Variants in WDPCP observed in about 807,000 individuals in gnomAD.
WDPCP encodes the protein WD repeat containing planar cell polarity effector, also known as WD repeat-containing and planar cell polarity effector protein fritz homolog.
In WDPCP, 71 loss-of-function variants were observed where a neutral mutation model predicts 93.1. The ratio of observed to expected loss-of-function variants is 0.76; its 90% CI spans 0.63 to 0.93. The LOEUF is 0.93. WDPCP is among the 40% of genes least tolerant of loss of function. The pLI, the probability that WDPCP is intolerant of heterozygous loss-of-function variation, is 0.00. For missense variants in WDPCP, 844 were observed against 887.4 expected (o/e 0.95, Z 0.62); for synonymous variants, 315 against 315.0 (o/e 1.00, Z 0.00).
At chr2:63,391,868 G>A (rs1200795626) in intron 10 of WDPCP, among the ~76,000 whole-genome samples, 1 of 152,124 alleles carries the variant, frequency 6.6e-6, no homozygotes, top group African/African-American at 2.4e-5. Flanking sequence ...AGAAACCACT[G>A]CTCAAGGAAA....
At chr2:63,446,899 T>C (rs1357154296) in intron 6 of WDPCP, among the ~76,000 whole-genome samples, 1 of 152,228 alleles carries the variant, frequency 6.6e-6, no homozygotes, top group African/African-American at 2.4e-5. Context: ...CGTGAGGTAA[T>C]GCCCCAAGGA....
At chr2:63,310,413 C>T (rs1230649543) in intron 13 of WDPCP, among the ~76,000 whole-genome samples, 2 of 152,020 alleles carry the variant, frequency 1.3e-5, no homozygotes, top group Admixed American at 1.3e-4. Flanking sequence ...TGTCTCGTTT[C>T]AGTTTATTTT....
At position 63,188,356 on chromosome 2, in the gene WDPCP, A is replaced by AT. The variant is rs1032890155; in HGVS notation, c.1916-13525dup. Among the ~76,000 whole-genome samples, 18 of 150,824 alleles carry AT rather than the reference A, an allele frequency of 1.2e-4. 1 individual carries two copies. Among genetic ancestry groups the AT allele is most frequent in the African/African-American group, 3.9e-4 (16 of 41,034 alleles). Reference sequence around the variant, plus strand: ...GCTCAGGTTCTGTTAATTTATCTTCATTTTTTTTCTTTTTTCTCCTCAGTC... The same window carrying AT: ...GCTCAGGTTCTGTTAATTTATCTTCATTTTTTTTTCTTTTTTCTCCTCAGTC... On this transcript the variant is annotated intron_variant, in intron 14 of 17. Coordinates refer to ENST00000272321, the MANE Select transcript of WDPCP (RefSeq NM_015910.7).
At chr2:63,535,059 C>T (rs1002981762) in intron 1 of WDPCP, among the ~76,000 whole-genome samples, 24 of 152,236 alleles carry the variant, frequency 1.6e-4, no homozygotes, top group Non-Finnish European at 2.6e-4. Flanking sequence ...CATTCCTATA[C>T]ACCAATAATA....
At chr2:63,280,032 A>G (rs1683403378) in intron 13 of WDPCP, among the ~76,000 whole-genome samples, 1 of 152,218 alleles carries the variant, frequency 6.6e-6, no homozygotes, top group Non-Finnish European at 1.5e-5. Context: ...TAGAATCAAT[A>G]TAGTGGAAAT....
At position 63,534,227 on chromosome 2, in the gene WDPCP, C is replaced by T. The variant is rs1704082266; in HGVS notation, c.76-41287G>A. 5.9e-5 allele frequency among the ~76,000 whole-genome samples: 9 copies of T among 152,130 alleles called. No individual in the cohort carries two copies. In the South Asian group the frequency reaches 1.0e-3, roughly 17 times the overall value. ...AATTGAGGCAATAATTAATAGCTTA[C>T]CAACTAAAAAACTCCAGGACCAGGT... is the stretch of plus-strand genomic sequence containing the variant. On this transcript the variant is annotated intron_variant, in intron 1 of 17. Transcript: ENST00000272321.
chr2:63,422,962 A>G (rs141528204), intron 9 of WDPCP, among the ~76,000 whole-genome samples: 68 of 152,338 alleles, frequency 4.5e-4, no homozygotes, highest in African/African-American at 1.6e-3. Flanking sequence ...ATATTAAACT[A>G]TGGTTTCTGG....
At chr2:63,482,604 C>T (rs1194153251) in intron 6 of WDPCP, among the ~76,000 whole-genome samples, 1 of 151,830 alleles carries the variant, frequency 6.6e-6, no homozygotes, top group Non-Finnish European at 1.5e-5. Flanking sequence ...GAAATAGAAC[C>T]TACATAGATT....
chr2:63,642,913 G>C (rs1709997806), intron 3 of WDPCP: 1 of 152,142 alleles, frequency 6.6e-6, no homozygotes, highest in African/African-American at 2.4e-5. Context: ...TGAGAGAAAA[G>C]GCTTTCAGTT....
intron 1 of WDPCP, among the ~76,000 whole-genome samples, chr2:63,519,461 C>T (rs1402103764): frequency 6.6e-6 from 1 of 152,196 alleles, no homozygotes; most frequent in Non-Finnish European, 1.5e-5. Flanking sequence ...GGCATGGATC[C>T]CACTGACACT....
chr2:63,561,777 A>G (rs1706648627), intron 1 of WDPCP, among the ~76,000 whole-genome samples: 1 of 152,234 alleles, frequency 6.6e-6, no homozygotes, highest in Admixed American at 6.5e-5. Context: ...CAAAAGCTAG[A>G]CATCACTAAT....
Position 63,313,302 on chromosome 2 carries a change from C to T in WDPCP, c.1758G>A (p.Arg586=), listed in dbSNP as rs1317461178. The change falls in exon 13 of 18, where the codon AGG becomes AGA. Residue 586 remains arginine (R), a synonymous_variant. Transcript: ENST00000272321. The stretch of plus-strand genomic sequence containing the variant: ...CAGCTAGGAGAAATGCCTTTTCAAA[C>T]CTCTGGTACCTACAAGGCAGAAAAA... ...RFFHHLLRYQ[R]FEKAFLLAVD... The T allele has an allele frequency of 3.1e-6, 5 of 1,613,432 alleles. No homozygotes were observed. Among genetic ancestry groups the T allele is most frequent in the Middle Eastern group, 1.7e-4 (1 of 6,058 alleles).
chr2:63,669,813 C>T (rs537705938), intron 2 of WDPCP, among the ~76,000 whole-genome samples: 10 of 152,294 alleles, frequency 6.6e-5, no homozygotes, highest in South Asian at 4.1e-4. Flanking sequence ...GCACCATCCA[C>T]GTCATGGTCT....
At chr2:63,142,149 T>A (rs1452616063) in intron 17 of WDPCP, among the ~76,000 whole-genome samples, 2 of 152,238 alleles carry the variant, frequency 1.3e-5, no homozygotes, top group Non-Finnish European at 2.9e-5. Context: ...TCTGCTCTCA[T>A]CTTGGCAGTT....
chr2:63,355,091 G>C (rs1689915860), intron 12 of WDPCP, among the ~76,000 whole-genome samples: 1 of 152,054 alleles, frequency 6.6e-6, no homozygotes, highest in African/African-American at 2.4e-5. Flanking sequence ...GAAATACAGA[G>C]AACTCCTCCA....
chr2:63,679,509 C>G (rs1219423138), intron 2 of WDPCP, among the ~76,000 whole-genome samples: 1 of 152,118 alleles, frequency 6.6e-6, no homozygotes, highest in African/African-American at 2.4e-5. Flanking sequence ...ATGGGAGAAT[C>G]TTCTCATTAT....
chr2:63,755,400 G>A (rs528541482), intron 2 of WDPCP, among the ~76,000 whole-genome samples: 4 of 152,290 alleles, frequency 2.6e-5, no homozygotes, highest in Admixed American at 1.3e-4. Flanking sequence ...GCAAGGACAT[G>A]TCGTATAGTT....
intron 2 of WDPCP, among the ~76,000 whole-genome samples, chr2:63,755,049 G>A (rs929297250): frequency 2.0e-5 from 3 of 152,144 alleles, no homozygotes; most frequent in African/African-American, 7.2e-5. Context: ...TGACACTCAG[G>A]CCTCTTTATA....
chr2:63,493,267 A>AT lies in WDPCP; in HGVS notation c.76-328dup, dbSNP rs894418050. On this transcript the variant is annotated intron_variant, in intron 1 of 17. Coordinates refer to ENST00000272321, the MANE Select transcript of WDPCP (RefSeq NM_015910.7). Reference sequence around the variant, plus strand: ...ATTTAGAATTATTTAGTATTTAAGCATTTTTTTAAGTTTTATTTTAAGGAA... The same window carrying AT: ...ATTTAGAATTATTTAGTATTTAAGCATTTTTTTTAAGTTTTATTTTAAGGAA... Among the ~76,000 whole-genome samples, 59 of 152,224 alleles carry AT rather than the reference A, an allele frequency of 3.9e-4. No homozygotes were observed. The South Asian group carries it at 4.4e-3, about 11-fold the overall frequency.
Sources: gnomAD v4.1 joint callset for allele counts (sites outside exome capture counted in the v4.1 genomes callset) on GRCh38, gnomAD v4.1.1 for gene constraint, MANE v1.5 for transcripts, NCBI Gene and HGNC (gene_info 2026-07-23, HGNC 2026-07-21) for gene names.